Variants in SBF2 observed in about 807,000 individuals in gnomAD.
SBF2 encodes the protein SET binding factor 2, also known as myotubularin-related protein 13.
Under a neutral mutation model 225.2 loss-of-function variants are expected in SBF2, and 112 were observed. The ratio of observed to expected loss-of-function variants is 0.50; its 90% CI spans 0.43 to 0.58. The LOEUF (loss-of-function observed/expected upper bound fraction) is 0.58, where lower values mean the gene tolerates loss of function less well. SBF2 is among the 20% of genes least tolerant of loss of function. SBF2 has a pLI of 0.00. For missense variants in SBF2, 1,996 were observed against 2,206.2 expected, an observed-to-expected ratio of 0.90 and a Z score of 1.91; for synonymous variants, 763 against 773.3, an observed-to-expected ratio of 0.99 and a Z score of 0.22.
rs1383598127 is a variant in SBF2 at position 9,993,098 on chromosome 11, T to C, written c.1059A>G (p.Lys353=). ...ATCTAAGGAAAACGGCTCGCACCTC[T>C]TTATCCTAAAAATATAAGAAGAAAT... is the stretch of plus-strand genomic sequence containing the variant. ...TALSHSKMLD[K]EVRAVFLRLF... is the part of the protein sequence containing the mutation. The change falls in exon 11 of 40, where the codon AAA becomes AAG. Residue 353 remains lysine, a synonymous_variant. Transcript: ENST00000256190. 6.2e-7 allele frequency: 1 copy of C among 1,604,620 alleles called. No individual in the cohort carries two copies. Among genetic ancestry groups the C allele is most frequent in the East Asian group, 2.2e-5 (1 of 44,742 alleles).
At chr11:10,240,557 T>C (rs1366632983) in intron 1 of SBF2, among the ~76,000 whole-genome samples, 2 of 152,214 alleles carry the variant, frequency 1.3e-5, no homozygotes, top group Non-Finnish European at 2.9e-5. Context: ...ACGCATGCTC[T>C]TTACCTTTGA....
chr11:9,820,448 T>A (rs1854690202), intron 28 of SBF2, among the ~76,000 whole-genome samples: 1 of 152,226 alleles, frequency 6.6e-6, no homozygotes, highest in Admixed American at 6.5e-5. Flanking sequence ...TCCTCTGTGT[T>A]GGCTGACTGC....
At chr11:9,915,730 T>A (rs1051044233) in intron 16 of SBF2, 1 of 152,092 alleles carries the variant, frequency 6.6e-6, no homozygotes, top group Non-Finnish European at 1.5e-5. Context: ...AACCATTCTG[T>A]ACATTAGAAA....
chr11:9,944,613 A>T (rs367820986), intron 16 of SBF2, among the ~76,000 whole-genome samples: 1 of 152,218 alleles, frequency 6.6e-6, no homozygotes, highest in African/African-American at 2.4e-5. Context: ...AGGTGAAAAA[A>T]TCTCTGCAGT....
intron 6 of SBF2, among the ~76,000 whole-genome samples, chr11:10,022,856 G>T (rs1274562274): frequency 6.6e-6 from 1 of 152,080 alleles, no homozygotes; most frequent in African/African-American, 2.4e-5. Flanking sequence ...CTGCATTTTG[G>T]TAATTACATT....
chr11:9,974,960 C>CAAAAAAAAAAAAAAAAAAAAAAAA lies in SBF2; in HGVS notation c.1396-6439_1396-6416dup, dbSNP rs1166081188. On this transcript the variant is annotated intron_variant, in intron 13 of 39. Transcript: ENST00000256190. ...GGGCAACAACAGCGAAACTTTGACT[C>CAAAAAAAAAAAAAAAAAAAAAAAA]AAAAAAAAAAAAAAAAAAAAAAAAA... Among the ~76,000 whole-genome samples, 24 of 23,270 alleles carry CAAAAAAAAAAAAAAAAAAAAAAAA rather than the reference C, an allele frequency of 1.0e-3. 7 individuals are homozygous for CAAAAAAAAAAAAAAAAAAAAAAAA. The highest frequency in any genetic ancestry group is 1.6e-3 in the Admixed American group (2 of 1,244). 15.3% of individuals were successfully genotyped at this position (23,270 alleles called of 152,430 possible). A position where few individuals can be genotyped will look rare whatever the true frequency, so the allele number is the denominator to read the frequency against.
intron 6 of SBF2, among the ~76,000 whole-genome samples, chr11:10,024,426 C>T (rs191433296): frequency 8.9e-4 from 135 of 152,272 alleles, no homozygotes; most frequent in African/African-American, 3.1e-3. Flanking sequence ...CACATTTTTA[C>T]CAGTACTCAG....
chr11:10,150,965 C>T (rs941113943), intron 2 of SBF2, among the ~76,000 whole-genome samples: 4 of 152,130 alleles, frequency 2.6e-5, no homozygotes, highest in Admixed American at 6.5e-5. Flanking sequence ...CTTAAACCTT[C>T]TGGAATTGGC....
chr11:10,304,063 T>C (rs34093904), intron 1 of SBF2, among the ~76,000 whole-genome samples: 69 of 152,306 alleles, frequency 4.5e-4, no homozygotes, highest in Middle Eastern at 6.8e-3. Flanking sequence ...GCAGGGTGAC[T>C]TCCCCTCTCT....
At chr11:9,927,447 A>G (rs1864141650) in intron 16 of SBF2, among the ~76,000 whole-genome samples, 1 of 152,336 alleles carries the variant, frequency 6.6e-6, no homozygotes, top group East Asian at 1.9e-4. Context: ...CAAATCCGAC[A>G]AGTTAAACCG....
At chr11:9,851,107 GC>G (rs1488911596) in intron 21 of SBF2, among the ~76,000 whole-genome samples, 1 of 139,892 alleles carries the variant, frequency 7.1e-6, no homozygotes, top group African/African-American at 2.6e-5. Context: ...CTGCACTCCA[GC>G]CTGGGCAACA....
In SBF2 at chr11:9,961,956, C is replaced by A; in HGVS notation, c.1860+1G>T. The stretch of plus-strand genomic sequence containing the variant: ...AATAATCTGAAAGAACTACAAATTA[C>A]CTGTAGAGTACAATTCATCATCCTT... On this transcript the variant is annotated splice_donor_variant, in intron 16 of 39. Transcript: ENST00000256190. LOFTEE classifies it high-confidence loss of function. 1 of 1,611,582 alleles carries A rather than the reference C, an allele frequency of 6.2e-7. No homozygotes were observed. The highest frequency in any genetic ancestry group is 8.5e-7 in the Non-Finnish European group (1 of 1,178,364).
intron 26 of SBF2, among the ~76,000 whole-genome samples, chr11:9,833,537 C>A (rs1030649919): frequency 1.3e-5 from 2 of 151,332 alleles, no homozygotes; most frequent in African/African-American, 4.9e-5. Context: ...TCTCCTGCCT[C>A]AGCCTCCCGA....
intron 16 of SBF2, among the ~76,000 whole-genome samples, chr11:9,917,267 T>C (rs1863176532): frequency 6.6e-6 from 1 of 151,764 alleles, no homozygotes; most frequent in Non-Finnish European, 1.5e-5. Flanking sequence ...ACTTTATTCT[T>C]GAACTGATTT....
At chr11:10,222,026 T>C (rs917697842) in intron 1 of SBF2, among the ~76,000 whole-genome samples, 1 of 152,346 alleles carries the variant, frequency 6.6e-6, no homozygotes, top group Non-Finnish European at 1.5e-5. Flanking sequence ...AATTTCTGGC[T>C]GACCCCTGAA....
At chr11:9,949,161 AC>A (rs1565046447) in intron 16 of SBF2, among the ~76,000 whole-genome samples, 1 of 152,148 alleles carries the variant, frequency 6.6e-6, no homozygotes, top group Non-Finnish European at 1.5e-5. Flanking sequence ...AAAAAATTTT[AC>A]TTTTTAGTTG....
In SBF2 at chr11:9,932,464, G is replaced by C. The variant is rs375566979; in HGVS notation, c.1860+29493C>G. ...GAAACCCTACAAGCCGGAAGAGAGAGGGGGCCAATATTCATCCTTCTTAAA... is the reference window on the plus strand; with the variant it reads ...GAAACCCTACAAGCCGGAAGAGAGACGGGGCCAATATTCATCCTTCTTAAA... On this transcript the variant is annotated intron_variant, in intron 16 of 39. Transcript: ENST00000256190. Among the ~76,000 whole-genome samples, 582 of 152,262 alleles carry C rather than the reference G, an allele frequency of 3.8e-3. 3 individuals are homozygous for C. Among genetic ancestry groups the C allele is most frequent in the South Asian group, 5.2e-3 (25 of 4,812 alleles).
intron 1 of SBF2, among the ~76,000 whole-genome samples, chr11:10,211,026 A>AAAAAAAAAAAAAAC (rs1245752473): frequency 6.7e-6 from 1 of 149,244 alleles, no homozygotes; most frequent in Non-Finnish European, 1.5e-5. Context: ...AAAAAAAAAA[A>AAAAAAAAAAAAAAC]AAAAAAAAAG....
chr11:10,128,586 A>G (rs1358862002), intron 2 of SBF2, among the ~76,000 whole-genome samples: 1 of 152,196 alleles, frequency 6.6e-6, no homozygotes, highest in Non-Finnish European at 1.5e-5. Context: ...AGATAAAGAA[A>G]AATAATCTGT....
Sources: gnomAD v4.1 joint callset for allele counts (sites outside exome capture counted in the v4.1 genomes callset) on GRCh38, gnomAD v4.1.1 for gene constraint, MANE v1.5 for transcripts, NCBI Gene and HGNC (gene_info 2026-07-23, HGNC 2026-07-21) for gene names.